DOCK11: variants seen among roughly 807,000 people sequenced by gnomAD.
DOCK11 encodes the protein dedicator of cytokinesis 11.
Under a neutral mutation model 169.1 loss-of-function variants are expected in DOCK11, and 70 were observed. The ratio of observed to expected loss-of-function variants is 0.41; its 90% CI spans 0.34 to 0.51. The LOEUF (loss-of-function observed/expected upper bound fraction) is 0.51, where lower values mean the gene tolerates loss of function less well. Ranked by LOEUF, DOCK11 falls within the 20% of genes least tolerant of loss-of-function variation. The pLI is 0.10. For missense variants in DOCK11, 1,166 were observed against 1,538.8 expected (o/e 0.76, Z 4.05); for synonymous variants, 529 against 541.3 (o/e 0.98, Z 0.32).
Position 118,612,260 on chromosome X carries a change from T to G in DOCK11, c.3096+1842T>G, listed in dbSNP as rs761121278. 7.3e-4 allele frequency among the ~76,000 whole-genome samples: 82 copies of G among 112,330 alleles called. 1 individual carries two copies. Among genetic ancestry groups the G allele is most frequent in the Non-Finnish European group, 1.4e-3 (72 of 53,297 alleles). ...GGTTTCACACATCTTGAGTATGATT[T>G]TCTGACATAAGACTTCTCTTTGCCA... On this transcript the variant is annotated intron_variant, in intron 28 of 52. Coordinates refer to ENST00000276202, the MANE Select transcript of DOCK11 (RefSeq NM_144658.4).
intron 6 of DOCK11, among the ~76,000 whole-genome samples, chrX:118,553,955 G>A (rs890492591): frequency 9.0e-6 from 1 of 111,565 alleles, no homozygotes; most frequent in Non-Finnish European, 1.9e-5. Context: ...CTTCATATGT[G>A]TCAGACACTA....
chrX:118,566,345 G>A (rs1176026132), intron 8 of DOCK11, among the ~76,000 whole-genome samples, 163 bp downstream of exon 8: 3 of 111,990 alleles, frequency 2.7e-5, no homozygotes, highest in Non-Finnish European at 3.8e-5. Context: ...TTAAACAGTT[G>A]ATGCTGCATG....
chrX:118,645,388 A>G (rs1369262071), intron 40 of DOCK11, among the ~76,000 whole-genome samples: 1 of 111,729 alleles, frequency 9.0e-6, no homozygotes, highest in Non-Finnish European at 1.9e-5. Context: ...CAGAAAATAA[A>G]TAATAAAAGA....
rs773063420 is a variant in DOCK11 at position 118,659,144 on chromosome X, G to A, written c.4970-3542G>A. ...CTTAGCTCTTATCCTTCTTCTGACT[G>A]GCCATCCTTTTTAATCAAGGGTTGC... On this transcript the variant is annotated intron_variant, in intron 44 of 52. Transcript: ENST00000276202. 7.8e-4 allele frequency among the ~76,000 whole-genome samples: 86 copies of A among 110,964 alleles called. 1 individual carries two copies. The highest frequency in any genetic ancestry group is 2.7e-3 in the African/African-American group (82 of 30,548).
chrX:118,513,155 C>A (rs994804571), intron 1 of DOCK11, among the ~76,000 whole-genome samples: 1 of 111,971 alleles, frequency 8.9e-6, no homozygotes, highest in South Asian at 3.7e-4. Flanking sequence ...TCCTTCTCTC[C>A]CCTTCTCATC....
intron 7 of DOCK11, among the ~76,000 whole-genome samples, chrX:118,563,257 A>G (rs1385527869): frequency 8.9e-6 from 1 of 111,735 alleles, no homozygotes; most frequent in East Asian, 2.8e-4. Flanking sequence ...TGTATACTCT[A>G]TCAAACAAGA....
intron 16 of DOCK11, among the ~76,000 whole-genome samples, chrX:118,586,901 T>TA (rs35094839): frequency 0.44 from 48,478 of 110,216 alleles, 8,652 homozygotes; most frequent in African/African-American, 0.64. Context: ...GGTAATGCCT[T>TA]AAAAAATTGA....
intron 13 of DOCK11, among the ~76,000 whole-genome samples, chrX:118,579,315 C>T (rs980869803): frequency 1.8e-5 from 2 of 111,611 alleles, no homozygotes; most frequent in Non-Finnish European, 3.8e-5. Flanking sequence ...TGGAAATCAT[C>T]GCTCTAATCT....
chrX:118,590,155 C>T, intron 18 of DOCK11, 55 bp from the exon 19 acceptor site: 2 of 1,026,791 alleles, frequency 1.9e-6, no homozygotes, highest in African/African-American at 1.9e-5. Flanking sequence ...GGTTCCATGG[C>T]ATCACATTTA....
chrX:118,594,521 T>G (rs2014098362), intron 20 of DOCK11, among the ~76,000 whole-genome samples: 1 of 111,948 alleles, frequency 8.9e-6, no homozygotes, highest in Admixed American at 9.6e-5. Flanking sequence ...AATCAGAAAT[T>G]TGAAACACTT....
chrX:118,600,223 A>G (rs1285100872), intron 23 of DOCK11, among the ~76,000 whole-genome samples: 1 of 110,318 alleles, frequency 9.1e-6, no homozygotes, highest in Non-Finnish European at 1.9e-5. Context: ...CCTGACCATC[A>G]TGGCGAAACC....
intron 21 of DOCK11, 77 bp downstream of exon 21, chrX:118,597,629 T>G: frequency 8.8e-7 from 1 of 1,130,243 alleles, no homozygotes; most frequent in Non-Finnish European, 1.2e-6. Context: ...CTCGATTGTT[T>G]AGTACAATGT....
intron 14 of DOCK11, among the ~76,000 whole-genome samples, chrX:118,583,243 A>G (rs1242112523): frequency 9.0e-6 from 1 of 110,837 alleles, no homozygotes; most frequent in East Asian, 2.8e-4. Flanking sequence ...ATACATGGAC[A>G]TGGGGAAGGG....
At chrX:118,545,567 T>C (rs1367385438) in intron 5 of DOCK11, among the ~76,000 whole-genome samples, 175 bp downstream of exon 5, 1 of 111,464 alleles carries the variant, frequency 9.0e-6, no homozygotes, top group Non-Finnish European at 1.9e-5. Context: ...ATTACTGTAT[T>C]TCCAAGTAGG....
At chrX:118,648,556 T>A (rs1245526679) in intron 40 of DOCK11, among the ~76,000 whole-genome samples, 1 of 94,784 alleles carries the variant, frequency 1.1e-5, no homozygotes, top group Admixed American at 1.4e-4. Flanking sequence ...ATAACATAAA[T>A]TATATATATT....
At chrX:118,600,748 C>T (rs1486096493) in intron 23 of DOCK11, among the ~76,000 whole-genome samples, 1 of 109,684 alleles carries the variant, frequency 9.1e-6, no homozygotes, top group Non-Finnish European at 1.9e-5. Flanking sequence ...GAGCAGAGAC[C>T]TAAAGGAAAT....
rs147109491 is a variant in DOCK11, at chrX:118,590,218, T to C, written c.2055T>C (p.Tyr685=). 11 of 1,206,739 alleles carry C rather than the reference T, an allele frequency of 9.1e-6. No individual in the cohort carries two copies. Among genetic ancestry groups the C allele is most frequent in the Non-Finnish European group, 1.1e-6 (1 of 893,062 alleles). The change falls in exon 19 of 53, where the codon TAT becomes TAC. Residue 685 remains tyrosine (Y), a synonymous_variant. Transcript: ENST00000276202. ...ESDASALKCI[Y]GKPAGSVFTT... ...GTTTCTTTCTTTTGCAGTGTATTTA[T>C]GGAAAACCTGCAGGGTCTGTTTTTA...
chrX:118,668,939 CAT>C (rs1349463121), intron 45 of DOCK11, among the ~76,000 whole-genome samples: 3 of 111,679 alleles, frequency 2.7e-5, no homozygotes, highest in South Asian at 3.7e-4. Flanking sequence ...GTTGTTATAA[CAT>C]AAAGTACAAA....
chrX:118,586,396 G>A (rs1045233475), intron 16 of DOCK11, among the ~76,000 whole-genome samples: 3 of 110,953 alleles, frequency 2.7e-5, no homozygotes, highest in Non-Finnish European at 5.7e-5. Context: ...GGTGGCAGGC[G>A]AGATAAATAG....
Sources: allele counts gnomAD v4.1 joint callset (sites outside exome capture counted in the v4.1 genomes callset), GRCh38; gene constraint gnomAD v4.1.1; transcripts MANE v1.5; gene names NCBI Gene and HGNC (gene_info 2026-07-23, HGNC 2026-07-21).